Variants in CHCHD3 observed in about 807,000 individuals in gnomAD.
CHCHD3 encodes coiled-coil-helix-coiled-coil-helix domain containing 3.
Under a neutral mutation model 38.2 loss-of-function variants are expected in CHCHD3, and 20 were observed. The ratio of observed to expected loss-of-function variants is 0.52; its 90% CI spans 0.37 to 0.76. The LOEUF is 0.76. CHCHD3 is among the 30% of genes least tolerant of loss of function. CHCHD3 has a pLI of 0.00. For missense variants in CHCHD3, 245 were observed against 279.2 expected (o/e 0.88, Z 0.87); for synonymous variants, 82 against 100.0 (o/e 0.82, Z 1.07).
At chr7:132,820,754 A>G (rs1200633154) in intron 6 of CHCHD3, among the ~76,000 whole-genome samples, 1 of 151,684 alleles carries the variant, frequency 6.6e-6, no homozygotes, top group Non-Finnish European at 1.5e-5. Context: ...AAATATATAT[A>G]TGGCCCAAAT....
chr7:133,024,154 C>G (rs146458422), intron 3 of CHCHD3, among the ~76,000 whole-genome samples: 275 of 152,294 alleles, frequency 1.8e-3, no homozygotes, highest in African/African-American at 6.2e-3. Context: ...CACTATGTAT[C>G]ACACACGATA....
chr7:132,982,212 C>A (rs758707439), intron 3 of CHCHD3, among the ~76,000 whole-genome samples: 19 of 152,178 alleles, frequency 1.2e-4, no homozygotes, highest in Non-Finnish European at 2.5e-4. Context: ...CAGCTCAAAT[C>A]GTTTCAAATC....
At chr7:132,908,313 AT>A (rs1562904238) in intron 4 of CHCHD3, among the ~76,000 whole-genome samples, 1 of 152,128 alleles carries the variant, frequency 6.6e-6, no homozygotes, top group Non-Finnish European at 1.5e-5. Context: ...AAAAATTCAA[AT>A]TTGCAAATTT....
At chr7:133,044,675 T>G (rs1813926144) in intron 2 of CHCHD3, among the ~76,000 whole-genome samples, 2 of 152,226 alleles carry the variant, frequency 1.3e-5, no homozygotes, top group African/African-American at 4.8e-5. Context: ...GCTATTTTTG[T>G]GAAATACAAA....
chr7:132,948,876 AGTAAT>A (rs1481984592), intron 4 of CHCHD3, among the ~76,000 whole-genome samples: 1 of 152,184 alleles, frequency 6.6e-6, no homozygotes, highest in Non-Finnish European at 1.5e-5. Context: ...GTTGAAATCA[AGTAAT>A]TAGAATTCCA....
At chr7:133,054,427 T>C (rs1339527326) in intron 2 of CHCHD3, among the ~76,000 whole-genome samples, 1 of 152,076 alleles carries the variant, frequency 6.6e-6, no homozygotes, top group Non-Finnish European at 1.5e-5. Flanking sequence ...GAGCTCCCAG[T>C]CCAAACTTCA....
intron 5 of CHCHD3, among the ~76,000 whole-genome samples, chr7:132,854,016 T>C (rs146556994): frequency 4.6e-5 from 7 of 152,208 alleles, no homozygotes; most frequent in Admixed American, 1.3e-4. Context: ...ACTTGCTTTC[T>C]TTCATTTCAC....
chr7:132,963,154 AAAT>A (rs1372048517), intron 4 of CHCHD3, among the ~76,000 whole-genome samples: 3 of 145,836 alleles, frequency 2.1e-5, no homozygotes, highest in African/African-American at 5.0e-5. Flanking sequence ...ATAAAAAAAA[AAAT>A]ATATATATAT....
chr7:133,021,869 A>G (rs991025293), intron 3 of CHCHD3, among the ~76,000 whole-genome samples: 6 of 152,058 alleles, frequency 3.9e-5, no homozygotes, highest in Non-Finnish European at 7.4e-5. Context: ...GGTGGATCAC[A>G]AGGTCAGAAG....
chr7:133,030,420 T>A (rs1279829054), intron 2 of CHCHD3, among the ~76,000 whole-genome samples: 1 of 152,222 alleles, frequency 6.6e-6, no homozygotes. Context: ...GGTCAGTGTT[T>A]CAGGAAGGGC....
chr7:133,067,395 T>G (rs1243375966), intron 2 of CHCHD3, among the ~76,000 whole-genome samples: 1 of 152,200 alleles, frequency 6.6e-6, no homozygotes, highest in Non-Finnish European at 1.5e-5. Context: ...GAAACAATGG[T>G]TATAGCACAG....
intron 3 of CHCHD3, among the ~76,000 whole-genome samples, chr7:132,984,916 G>C (rs1324319455): frequency 1.1e-5 from 1 of 87,604 alleles, no homozygotes; most frequent in African/African-American, 4.4e-5. Flanking sequence ...TCAGCCCCCC[G>C]CCCGGCCAGC....
chr7:132,868,495 C>T (rs991710763), intron 5 of CHCHD3, among the ~76,000 whole-genome samples: 5 of 152,064 alleles, frequency 3.3e-5, no homozygotes, highest in Non-Finnish European at 7.4e-5. Flanking sequence ...TCTGAGCTGG[C>T]CAACATATGC....
intron 5 of CHCHD3, among the ~76,000 whole-genome samples, chr7:132,874,948 C>T (rs1422699863): frequency 6.6e-6 from 1 of 152,050 alleles, no homozygotes; most frequent in African/African-American, 2.4e-5. Flanking sequence ...GTGCAAAGGG[C>T]GGCAATCCCA....
At chr7:132,871,271 C>A (rs1250823346) in intron 5 of CHCHD3, among the ~76,000 whole-genome samples, 1 of 152,114 alleles carries the variant, frequency 6.6e-6, no homozygotes, top group Non-Finnish European at 1.5e-5. Context: ...AGTTCAGGGT[C>A]AAATCCAAAT....
intron 2 of CHCHD3, among the ~76,000 whole-genome samples, chr7:133,050,010 G>C (rs1207933977): frequency 6.6e-6 from 1 of 152,088 alleles, no homozygotes; most frequent in Non-Finnish European, 1.5e-5. Flanking sequence ...CATAGTTCAT[G>C]ACATTATCTA....
chr7:132,930,163 A>ATT (rs769791949), intron 4 of CHCHD3, among the ~76,000 whole-genome samples: 14,527 of 127,376 alleles, frequency 0.11, 1,124 homozygotes, highest in Non-Finnish European at 0.14. Flanking sequence ...CCCACTCCTA[A>ATT]TTTTTTTTTT....
chr7:132,841,620 G>T (rs1698491776), intron 5 of CHCHD3, among the ~76,000 whole-genome samples: 1 of 152,168 alleles, frequency 6.6e-6, no homozygotes, highest in South Asian at 2.1e-4. Context: ...AAAGTGAAAA[G>T]TAATGAACAA....
chr7:132,904,281 C>T (rs972036605), intron 4 of CHCHD3, among the ~76,000 whole-genome samples: 2 of 150,958 alleles, frequency 1.3e-5, no homozygotes, highest in Admixed American at 6.6e-5. Context: ...AAAAAACCCA[C>T]AACTTTTTTT....
Sources: gnomAD v4.1 joint callset for allele counts (sites outside exome capture counted in the v4.1 genomes callset) on GRCh38, gnomAD v4.1.1 for gene constraint, MANE v1.5 for transcripts, NCBI Gene and HGNC (gene_info 2026-07-23, HGNC 2026-07-21) for gene names.